Variants in MCTP1 observed in about 807,000 individuals in gnomAD.
The protein encoded by MCTP1 is multiple C2 and transmembrane domain-containing protein 1.
In MCTP1, 69 loss-of-function variants were observed where a neutral mutation model predicts 120.6. The observed-to-expected ratio is 0.57, with a 90% confidence interval of 0.47 to 0.70. The LOEUF (loss-of-function observed/expected upper bound fraction) is 0.70. MCTP1 is among the 30% of genes least tolerant of loss of function. The pLI is 0.00. For synonymous variants in MCTP1, 529 were observed against 493.1 expected (o/e 1.07, Z -0.96); for missense variants, 1,203 against 1,248.8 (o/e 0.96, Z 0.55).
rs980102762 is a variant in MCTP1, at chr5:95,222,872, G to A, written c.720+60984C>T. On this transcript the variant is annotated intron_variant, in intron 1 of 22. Coordinates refer to ENST00000515393, the MANE Select transcript of MCTP1 (RefSeq NM_024717.7). Reference sequence around the variant, plus strand: ...TCATATATATTGAAAGAAATTTATTGTAAAGAATTGGATCACTTGACCATA... The same window carrying A: ...TCATATATATTGAAAGAAATTTATTATAAAGAATTGGATCACTTGACCATA... 2.6e-5 allele frequency among the ~76,000 whole-genome samples: 4 copies of A among 152,336 alleles called. No homozygotes were observed. The East Asian group carries it at 7.7e-4, about 29-fold the overall frequency.
At chr5:94,872,165 A>ATT (rs1405441981) in intron 13 of MCTP1, among the ~76,000 whole-genome samples, 1 of 152,158 alleles carries the variant, frequency 6.6e-6, no homozygotes, top group Non-Finnish European at 1.5e-5. Context: ...AGAGAAAACA[A>ATT]TAAAGTGAAT....
intron 1 of MCTP1, among the ~76,000 whole-genome samples, chr5:95,117,809 T>A (rs1757928806): frequency 6.6e-6 from 1 of 152,202 alleles, no homozygotes; most frequent in African/African-American, 2.4e-5. Flanking sequence ...ATGGTACCTA[T>A]ACACTATGCA....
chr5:94,806,195 T>C (rs923478457), intron 17 of MCTP1, among the ~76,000 whole-genome samples: 2 of 152,110 alleles, frequency 1.3e-5, no homozygotes, highest in Admixed American at 1.3e-4. Flanking sequence ...TGGGGTTTTC[T>C]TCTGTCCAAA....
In MCTP1 at chr5:95,234,912, G is replaced by C. The variant is rs189831979; in HGVS notation, c.720+48944C>G. 5.3e-5 allele frequency among the ~76,000 whole-genome samples: 8 copies of C among 152,152 alleles called. No individual in the cohort carries two copies. The East Asian group carries it at 1.4e-3, about 26-fold the overall frequency. ...ACTAGTAAACTCTACCAACATTAAA[G>C]ATGAAAAATATTATTTCTACACAAA... is the stretch of plus-strand genomic sequence containing the variant. On this transcript the variant is annotated intron_variant, in intron 1 of 22. Coordinates refer to ENST00000515393, the MANE Select transcript of MCTP1 (RefSeq NM_024717.7).
intron 2 of MCTP1, among the ~76,000 whole-genome samples, chr5:95,000,142 C>T (rs1288927729): frequency 6.6e-6 from 1 of 152,106 alleles, no homozygotes; most frequent in Non-Finnish European, 1.5e-5. Flanking sequence ...GTTGCAGTAT[C>T]CTAATGTCAT....
chr5:94,783,858 T>C (rs920565785), intron 18 of MCTP1, among the ~76,000 whole-genome samples: 19 of 152,110 alleles, frequency 1.2e-4, no homozygotes, highest in African/African-American at 3.1e-4. Context: ...CTTGGAAGGA[T>C]TGAGTACTCT....
chr5:95,284,434 G>T lies in MCTP1; in HGVS notation c.142C>A (p.Arg48Ser). 1 of 1,543,784 alleles carries T rather than the reference G, an allele frequency of 6.5e-7. No homozygotes were observed. The highest frequency in any genetic ancestry group is 8.7e-7 in the Non-Finnish European group (1 of 1,153,510). Residue 48 changes from arginine (R) to serine (S), a missense_variant, in exon 1 of 23, where the codon CGC (arginine) becomes AGC (serine). Transcript: ENST00000515393. This position sits in a 1 kb window ranked among gnomAD's most constrained non-coding sequence, Gnocchi z 5.2. Reference protein sequence around the residue: ...GGGGRAGGPERRTADTPSPSP... With the variant: ...GGGGRAGGPESRTADTPSPSP... ...GGCGACGGGGTGTCCGCAGTGCGGC[G>T]CTCTGGACCCCCAGCGCGCCCGCCC...
chr5:95,181,335 T>G (rs1748572475), intron 1 of MCTP1, among the ~76,000 whole-genome samples: 1 of 152,238 alleles, frequency 6.6e-6, no homozygotes, highest in South Asian at 2.1e-4. Flanking sequence ...GTCTACATTC[T>G]GCTGTTTTTA....
chr5:95,063,045 T>G (rs1346258719), intron 1 of MCTP1, among the ~76,000 whole-genome samples: 2 of 152,144 alleles, frequency 1.3e-5, no homozygotes, highest in African/African-American at 4.8e-5. Context: ...CTGGAACTCC[T>G]GTGTTCAAGC....
intron 17 of MCTP1, among the ~76,000 whole-genome samples, chr5:94,866,208 T>C (rs1210367244): frequency 6.6e-6 from 1 of 151,998 alleles, no homozygotes; most frequent in South Asian, 2.1e-4. Flanking sequence ...GGTTCATAGA[T>C]TGGTCAACTG....
intron 17 of MCTP1, among the ~76,000 whole-genome samples, chr5:94,852,464 A>G (rs1793945835): frequency 6.6e-6 from 1 of 151,942 alleles, no homozygotes; most frequent in South Asian, 2.1e-4. Flanking sequence ...GAATTTTCCT[A>G]CTGCATTTTA....
rs771689279 is a variant in MCTP1 at position 95,017,451 on chromosome 5, CT to C, written c.753del (p.Glu252LysfsTer16). On this transcript the variant is annotated frameshift_variant, in exon 2 of 23. Transcript: ENST00000515393. LOFTEE classifies it high-confidence loss of function. ...ATTCCGGGATCAGCCAAGGGGACTT[CT>C]GCATTACTGGTTCCAGCAGTGTTTA... ...KIINTAGTSNAEVPLADPGMY... is the reference protein window; with the variant it reads ...KIINTAGTSNXEVPLADPGMY... 3.7e-5 allele frequency: 59 copies of C among 1,609,418 alleles called. No homozygotes were observed. The African/African-American group carries it at 7.2e-4, about 20-fold the overall frequency.
intron 1 of MCTP1, among the ~76,000 whole-genome samples, chr5:95,146,221 G>A (rs960961708): frequency 2.6e-5 from 4 of 152,158 alleles, no homozygotes; most frequent in Admixed American, 1.3e-4. Flanking sequence ...TATTTCTGTA[G>A]GATCAGTTGT....
intron 1 of MCTP1, among the ~76,000 whole-genome samples, chr5:95,051,785 A>G (rs138859633): frequency 2.0e-5 from 3 of 152,292 alleles, no homozygotes; most frequent in Non-Finnish European, 4.4e-5. Flanking sequence ...TAATACAGGA[A>G]CAAAAAAACA....
At chr5:95,275,393 C>T (rs1299484659) in intron 1 of MCTP1, among the ~76,000 whole-genome samples, 1 of 152,146 alleles carries the variant, frequency 6.6e-6, no homozygotes, top group African/African-American at 2.4e-5. Flanking sequence ...GCTGCTCCTT[C>T]CAGAGGGCAG....
At chr5:95,270,029 A>C (rs1254223714) in intron 1 of MCTP1, among the ~76,000 whole-genome samples, 1 of 152,234 alleles carries the variant, frequency 6.6e-6, no homozygotes, top group Admixed American at 6.5e-5. Context: ...GAGGCTATAG[A>C]ATATAGAAAA....
chr5:95,019,519 T>C (rs1184953966), intron 1 of MCTP1, among the ~76,000 whole-genome samples: 1 of 152,070 alleles, frequency 6.6e-6, no homozygotes, highest in Non-Finnish European at 1.5e-5. Flanking sequence ...TATTTTCCTA[T>C]TGATGGACAT....
chr5:94,828,178 G>A (rs1023211493), intron 17 of MCTP1, among the ~76,000 whole-genome samples: 1 of 152,140 alleles, frequency 6.6e-6, no homozygotes, highest in Non-Finnish European at 1.5e-5. Context: ...TGATGCTATT[G>A]CTTTCTATTT....
intron 1 of MCTP1, among the ~76,000 whole-genome samples, chr5:95,055,982 T>A (rs1448869842): frequency 6.6e-6 from 1 of 152,220 alleles, no homozygotes; most frequent in East Asian, 1.9e-4. Context: ...TTTAATGCAA[T>A]ATAAATTATG....
Sources: allele counts gnomAD v4.1 joint callset (sites outside exome capture counted in the v4.1 genomes callset), GRCh38; gene constraint gnomAD v4.1.1; non-coding constraint Gnocchi (gnomAD v3.1); transcripts MANE v1.5; gene names NCBI Gene and HGNC (gene_info 2026-07-23, HGNC 2026-07-21).